Variants in ARHGAP32 observed in about 807,000 individuals in gnomAD.
The protein encoded by ARHGAP32 is rho GTPase-activating protein 32.
Under a neutral mutation model 186.5 loss-of-function variants are expected in ARHGAP32, and 51 were observed. That is an observed-to-expected ratio of 0.27 (90% CI 0.22 to 0.35). The LOEUF (loss-of-function observed/expected upper bound fraction) is 0.35. ARHGAP32 is among the 10% of genes least tolerant of loss of function. The pLI, the probability that ARHGAP32 is intolerant of heterozygous loss-of-function variation, is 1.00. For missense variants in ARHGAP32, 2,186 were observed against 2,623.5 expected (o/e 0.83, Z 3.64); for synonymous variants, 950 against 964.3 (o/e 0.99, Z 0.27).
At chr11:129,169,647 A>G (rs1943716508) in intron 1 of ARHGAP32, among the ~76,000 whole-genome samples, 1 of 151,416 alleles carries the variant, frequency 6.6e-6, no homozygotes, top group Admixed American at 6.6e-5. Context: ...AAAAAAAAAA[A>G]AAAAAAAAGA....
At chr11:129,270,706 C>T (rs73584244) in intron 1 of ARHGAP32, among the ~76,000 whole-genome samples, 1,591 of 151,404 alleles carry the variant, frequency 0.011, 27 homozygotes, top group African/African-American at 0.036. Context: ...CTCGGTTTTG[C>T]TGTGAACGTA....
chr11:128,992,230 C>T (rs1055680315), intron 12 of ARHGAP32, among the ~76,000 whole-genome samples: 5 of 152,038 alleles, frequency 3.3e-5, no homozygotes, highest in African/African-American at 9.7e-5. Context: ...GAGTCCTCTC[C>T]GAGGGTTTCA....
At chr11:129,211,110 C>A (rs1237049130) in intron 1 of ARHGAP32, among the ~76,000 whole-genome samples, 2 of 152,126 alleles carry the variant, frequency 1.3e-5, no homozygotes, top group Non-Finnish European at 2.9e-5. Flanking sequence ...TCAGCAACCA[C>A]CACCTTTAAA....
At chr11:129,120,708 A>G (rs1314653572) in intron 5 of ARHGAP32, among the ~76,000 whole-genome samples, 1 of 152,144 alleles carries the variant, frequency 6.6e-6, no homozygotes, top group Non-Finnish European at 1.5e-5. Context: ...GCCAACTGCA[A>G]TTATAAACTT....
At position 129,008,995 on chromosome 11, in the gene ARHGAP32, G is replaced by C. The variant is rs113158228; in HGVS notation, c.1046-10527C>G. ...ATCAAACCATTTATGTTCATTTTTA[G>C]ACATCTTCCATATGAACTTTAAAAT... On this transcript the variant is annotated intron_variant, in intron 11 of 22. Coordinates refer to ENST00000682385, the MANE Select transcript of ARHGAP32 (RefSeq NM_001378024.1). 1.5e-4 allele frequency among the ~76,000 whole-genome samples: 23 copies of C among 152,206 alleles called. 1 individual carries two copies. Among genetic ancestry groups the C allele is most frequent in the African/African-American group, 5.5e-4 (23 of 41,526 alleles).
intron 2 of ARHGAP32, among the ~76,000 whole-genome samples, chr11:129,141,018 C>A (rs1054442706): frequency 6.6e-6 from 1 of 152,136 alleles, no homozygotes; most frequent in African/African-American, 2.4e-5. Context: ...TTACCTATGG[C>A]AACTCCCATA....
At chr11:129,219,582 G>A (rs1944687678) in intron 1 of ARHGAP32, among the ~76,000 whole-genome samples, 1 of 152,116 alleles carries the variant, frequency 6.6e-6, no homozygotes, top group African/African-American at 2.4e-5. Flanking sequence ...CACACTGTCT[G>A]GCAATCTCTC....
At chr11:129,014,991 A>G (rs1565376308) in intron 11 of ARHGAP32, among the ~76,000 whole-genome samples, 1 of 152,210 alleles carries the variant, frequency 6.6e-6, no homozygotes, top group African/African-American at 2.4e-5. Context: ...GCACGACAAT[A>G]TATCTATTCA....
At chr11:129,003,006 C>T (rs1937604610) in intron 11 of ARHGAP32, among the ~76,000 whole-genome samples, 2 of 152,126 alleles carry the variant, frequency 1.3e-5, no homozygotes, top group South Asian at 4.1e-4. Context: ...GACGGGGTTT[C>T]ACCTTGGTCT....
chr11:129,009,618 G>A (rs1937969084), intron 11 of ARHGAP32, among the ~76,000 whole-genome samples: 1 of 152,202 alleles, frequency 6.6e-6, no homozygotes, highest in Admixed American at 6.5e-5. Context: ...TTTGTTTGCT[G>A]AGGATAATGG....
chr11:129,182,547 T>C (rs942594823), intron 1 of ARHGAP32, among the ~76,000 whole-genome samples: 48 of 152,160 alleles, frequency 3.2e-4, no homozygotes, highest in African/African-American at 1.1e-3. Flanking sequence ...TTCTCAACCC[T>C]TTCCTTCATG....
chr11:129,274,468 C>G (rs1565487122), intron 1 of ARHGAP32, among the ~76,000 whole-genome samples: 1 of 152,106 alleles, frequency 6.6e-6, no homozygotes, highest in African/African-American at 2.4e-5. Flanking sequence ...AGTGCCCTCC[C>G]CTGTCTCCTC....
intron 6 of ARHGAP32, among the ~76,000 whole-genome samples, chr11:129,079,349 A>G (rs1376595514): frequency 1.3e-5 from 2 of 152,182 alleles, no homozygotes; most frequent in East Asian, 3.9e-4. Context: ...TGTGAGGCAA[A>G]AGCATCAGGT....
intron 1 of ARHGAP32, among the ~76,000 whole-genome samples, chr11:129,267,963 C>A (rs538676995): frequency 1.3e-5 from 2 of 152,200 alleles, no homozygotes; most frequent in South Asian, 4.2e-4. Flanking sequence ...TCACCCCCCA[C>A]CCACGGAAGG....
chr11:129,221,479 CTGTGTGTGTGTGTG>C (rs537808170), intron 1 of ARHGAP32, among the ~76,000 whole-genome samples: 29,662 of 121,090 alleles, frequency 0.24, 3,648 homozygotes, highest in Admixed American at 0.32. Context: ...ATTGTCATTA[CTGTGTGTGTGTGTG>C]TGTGTGTGTG....
chr11:129,045,245 G>A (rs913636234), intron 10 of ARHGAP32, among the ~76,000 whole-genome samples: 2 of 152,176 alleles, frequency 1.3e-5, no homozygotes, highest in Non-Finnish European at 2.9e-5. Context: ...TCTGTGCCGT[G>A]AGCACAGGTG....
chr11:129,192,508 T>A (rs1358447341), upstream of ARHGAP32, among the ~76,000 whole-genome samples: 1 of 152,196 alleles, frequency 6.6e-6, no homozygotes, highest in African/African-American at 2.4e-5. Flanking sequence ...ATGACTCTTC[T>A]CAAAGTTTCC....
intron 5 of ARHGAP32, among the ~76,000 whole-genome samples, chr11:129,108,561 A>T (rs1476631166): frequency 6.6e-6 from 1 of 152,174 alleles, no homozygotes; most frequent in South Asian, 2.1e-4. Context: ...CCTTTCGATA[A>T]TGTATAGGCT....
chr11:128,967,839 G>A lies in ARHGAP32; in HGVS notation c.*1068C>T, dbSNP rs948179286. The A allele has an allele frequency of 2.0e-5, 3 of 150,334 alleles. No homozygotes were observed. Among genetic ancestry groups the A allele is most frequent in the Admixed American group, 6.7e-5 (1 of 15,034 alleles). The allele number at this position is 150,334 out of a possible 1,614,324, so 9.3% of individuals were successfully genotyped here. ...AGCTACTTAAATTCCCAGGGACCTCGTACTCTGGTTTAGGAACAGAAACAA... is the reference window on the plus strand; with the variant it reads ...AGCTACTTAAATTCCCAGGGACCTCATACTCTGGTTTAGGAACAGAAACAA... On this transcript the variant is annotated 3_prime_UTR_variant, in exon 23 of 23. Transcript: ENST00000682385.
Sources: gnomAD v4.1 joint callset for allele counts (sites outside exome capture counted in the v4.1 genomes callset) on GRCh38, gnomAD v4.1.1 for gene constraint, MANE v1.5 for transcripts, NCBI Gene and HGNC (gene_info 2026-07-23, HGNC 2026-07-21) for gene names.